The following CLMN variants were observed in gnomAD, a reference collection of about 807,000 sequenced individuals.
CLMN encodes the protein calmin.
A neutral mutation model predicts 92.7 loss-of-function variants in CLMN; 57 were observed. The ratio of observed to expected loss-of-function variants is 0.61; its 90% CI spans 0.50 to 0.77. CLMN has a LOEUF of 0.77. CLMN is among the 30% of genes least tolerant of loss of function. CLMN has a pLI of 0.00. For synonymous variants in CLMN, 466 were observed against 470.6 expected, an observed-to-expected ratio of 0.99 and a Z score of 0.13; for missense variants, 1,158 against 1,237.5, an observed-to-expected ratio of 0.94 and a Z score of 0.96.
rs143455201 is a variant in CLMN at position 95,243,150 on chromosome 14, A to G, written c.83-13017T>C. On this transcript the variant is annotated intron_variant, in intron 1 of 12. Coordinates refer to ENST00000298912, the MANE Select transcript of CLMN (RefSeq NM_024734.4). ...TTTGCCAAACCCTGCTGTAGACTCC[A>G]TAAGATTCACTGCCTGATTTAAGCA... Among the ~76,000 whole-genome samples the G allele has an allele frequency of 2.1e-3, 314 of 152,344 alleles. 2 individuals carry two copies. Among genetic ancestry groups the G allele is most frequent in the African/African-American group, 7.2e-3 (301 of 41,576 alleles).
At chr14:95,260,179 C>T (rs144981092) in intron 1 of CLMN, among the ~76,000 whole-genome samples, 83 of 152,300 alleles carry the variant, frequency 5.4e-4, no homozygotes, top group Middle Eastern at 3.4e-3. Flanking sequence ...CAGTGGCTCA[C>T]GCCTGTAATC....
chr14:95,274,496 A>G (rs909263293), intron 1 of CLMN, among the ~76,000 whole-genome samples: 10 of 152,102 alleles, frequency 6.6e-5, no homozygotes, highest in African/African-American at 2.4e-4. Context: ...CCCTCTGCCC[A>G]GCACAGCTGC....
intron 1 of CLMN, among the ~76,000 whole-genome samples, chr14:95,231,846 C>G (rs901066650): frequency 6.6e-6 from 1 of 152,176 alleles, no homozygotes; most frequent in Non-Finnish European, 1.5e-5. Context: ...AAAAAAAGTA[C>G]CAAGCACTTG....
rs1271310285 is a variant in CLMN, at chr14:95,202,894, G to T, written c.2455C>A (p.His819Asn). The T allele has an allele frequency of 1.9e-6, 3 of 1,577,884 alleles. No homozygotes were observed. The highest frequency in any genetic ancestry group is 2.6e-6 in the Non-Finnish European group (3 of 1,166,138). Residue 819 changes from histidine (H) to asparagine (N), a missense_variant, in exon 9 of 13, where the codon CAT (histidine) becomes AAT (asparagine). His to Asn is a moderately conservative substitution (Grantham distance 68). Transcript: ENST00000298912. The part of the protein sequence containing the change: ...PASEPAPLAP[H>N]EDHQQRETKE... Reference sequence around the variant, plus strand: ...GTCTCCCTTTGCTGGTGGTCCTCATGGGGGGCCAGTGGAGCGGGTTCTGAG... The same window carrying T: ...GTCTCCCTTTGCTGGTGGTCCTCATTGGGGGCCAGTGGAGCGGGTTCTGAG...
At position 95,196,903 on chromosome 14, in the gene CLMN, G is replaced by A. The variant is rs28680758; in HGVS notation, c.2512-209C>T. 9.8e-3 allele frequency among the ~76,000 whole-genome samples: 1,490 copies of A among 152,304 alleles called. 23 individuals are homozygous for A. Among genetic ancestry groups the A allele is most frequent in the African/African-American group, 0.034 (1,428 of 41,554 alleles). On this transcript the variant is annotated intron_variant, in intron 9 of 12. Transcript: ENST00000298912. The stretch of plus-strand genomic sequence containing the variant: ...CCGGCCCCTGGTACAGACTTCAAAT[G>A]CTACAAATTGATGGAGTTAAAACAA...
In CLMN at chr14:95,215,666, A is replaced by C; in HGVS notation, c.392T>G (p.Ile131Arg). ...DGNPSLVLGL[I>R]WNIILFFQIK... ...CTGGAAGAAGAGGATTATGTTCCAT[A>C]TCAGCCCAAGAACCAAAGAAGGGTT... Residue 131 changes from isoleucine (I) to arginine (R), a missense_variant, in exon 5 of 13, where the codon ATA (isoleucine) becomes AGA (arginine). Physicochemically the swap from Ile to Arg is moderately conservative, Grantham distance 97. Transcript: ENST00000298912. The C allele has an allele frequency of 6.2e-7, 1 of 1,614,168 alleles. No individual in the cohort carries two copies. Among genetic ancestry groups the C allele is most frequent in the Non-Finnish European group, 8.5e-7 (1 of 1,179,974 alleles).
At chr14:95,276,425 T>C (rs886170133) in intron 1 of CLMN, among the ~76,000 whole-genome samples, 1 of 152,138 alleles carries the variant, frequency 6.6e-6, no homozygotes, top group African/African-American at 2.4e-5. Context: ...CATAGGATCA[T>C]GGGATATGAG....
rs1262657426 is a variant in CLMN, at chr14:95,191,435, A to G, written c.*129T>C. 2 of 549,556 alleles carry G rather than the reference A, an allele frequency of 3.6e-6. No homozygotes were observed. Among genetic ancestry groups the G allele is most frequent in the Non-Finnish European group, 5.8e-6 (2 of 344,208 alleles). The allele number at this position is 549,556 out of a possible 1,614,324, so 34.0% of individuals were successfully genotyped here. On this transcript the variant is annotated 3_prime_UTR_variant, in exon 13 of 13. Coordinates refer to ENST00000298912, the MANE Select transcript of CLMN (RefSeq NM_024734.4). The surrounding 1 kb of genome is among the most constrained non-coding windows in gnomAD (Gnocchi z 5.3). Reference sequence around the variant, plus strand: ...AAAAAAAAAAAACCACAATAGCGAGAAAGGGGGTCTAAGTTTCCTCGGAGG... The same window carrying G: ...AAAAAAAAAAAACCACAATAGCGAGGAAGGGGGTCTAAGTTTCCTCGGAGG...
chr14:95,269,482 C>A (rs1055370648), intron 1 of CLMN, among the ~76,000 whole-genome samples: 1 of 152,194 alleles, frequency 6.6e-6, no homozygotes, highest in Non-Finnish European at 1.5e-5. Flanking sequence ...GGTCAGATGG[C>A]CAGACCCAAG....
intron 1 of CLMN, among the ~76,000 whole-genome samples, chr14:95,238,610 G>A (rs1221683271): frequency 6.6e-6 from 1 of 152,122 alleles, no homozygotes; most frequent in Admixed American, 6.5e-5. Context: ...GTCTTGTAGA[G>A]GCCCTCCCCC....
In CLMN at chr14:95,245,213, T is replaced by TATATATATAATATATATATATATA. The variant is rs1898456715; in HGVS notation, c.83-15081_83-15080insTATATATATATATATTATATATAT. Among the ~76,000 whole-genome samples, 58 of 31,746 alleles carry TATATATATAATATATATATATATA rather than the reference T, an allele frequency of 1.8e-3. 2 individuals carry two copies. The highest frequency in any genetic ancestry group is 2.9e-3 in the South Asian group (3 of 1,032). The allele number at this position is 31,746 out of a possible 152,430, so 20.8% of individuals were successfully genotyped here. On this transcript the variant is annotated intron_variant, in intron 1 of 12. Coordinates refer to ENST00000298912, the MANE Select transcript of CLMN (RefSeq NM_024734.4). The stretch of plus-strand genomic sequence containing the variant: ...ATATATAATATATATATATATTATA[T>TATATATATAATATATATATATATA]ATATATATATATTATATATATATAT...
intron 1 of CLMN, among the ~76,000 whole-genome samples, 153 bp from the exon 2 acceptor site, chr14:95,230,286 C>T (rs563544465): frequency 2.4e-4 from 36 of 152,320 alleles, no homozygotes; most frequent in African/African-American, 5.5e-4. Flanking sequence ...GGGTTGGCAA[C>T]GCCTTACCTG....
chr14:95,228,349 T>C (rs1299189841), intron 2 of CLMN, among the ~76,000 whole-genome samples: 5 of 152,170 alleles, frequency 3.3e-5, no homozygotes, highest in African/African-American at 1.2e-4. Context: ...GCCGAAAATG[T>C]GCCAATAATC....
intron 6 of CLMN, among the ~76,000 whole-genome samples, chr14:95,211,729 C>T (rs2140593866): frequency 6.6e-6 from 1 of 151,862 alleles, no homozygotes; most frequent in South Asian, 2.1e-4. Flanking sequence ...AGTTGAAACA[C>T]AGTACAGAGA....
rs1897132666 is a variant in CLMN at position 95,209,394 on chromosome 14, C to T, written c.885+1G>A. On this transcript the variant is annotated splice_donor_variant, in intron 8 of 12. Transcript: ENST00000298912. LOFTEE classifies it high-confidence loss of function. ...ATTAAAGGTAAGAAAAGCAAACATA[C>T]GGCTTCCAACTCCGGAAAACGTTCT... 1.9e-6 allele frequency: 3 copies of T among 1,613,514 alleles called. No homozygotes were observed. Among genetic ancestry groups the T allele is most frequent in the Non-Finnish European group, 1.7e-6 (2 of 1,179,528 alleles).
chr14:95,282,863 G>A (rs1900191353), intron 1 of CLMN, among the ~76,000 whole-genome samples: 1 of 152,260 alleles, frequency 6.6e-6, no homozygotes, highest in Non-Finnish European at 1.5e-5. Flanking sequence ...GAGCAGAACT[G>A]GAGCCTGTCA....
intron 1 of CLMN, among the ~76,000 whole-genome samples, chr14:95,230,659 G>C (rs1444715684): frequency 6.6e-6 from 1 of 152,196 alleles, no homozygotes; most frequent in Non-Finnish European, 1.5e-5. Flanking sequence ...AGCTTTGTGT[G>C]CCCGGGCCAG....
chr14:95,223,015 G>C (rs1337973266), intron 3 of CLMN, among the ~76,000 whole-genome samples: 1 of 152,186 alleles, frequency 6.6e-6, no homozygotes, highest in Non-Finnish European at 1.5e-5. Context: ...GTGGACTCTG[G>C]AACAGGCTTT....
At chr14:95,281,566 T>A (rs1470127634) in intron 1 of CLMN, among the ~76,000 whole-genome samples, 1 of 152,232 alleles carries the variant, frequency 6.6e-6, no homozygotes, top group Non-Finnish European at 1.5e-5. Flanking sequence ...GATCACTGGC[T>A]ACTGCTCAGG....
Sources: allele counts gnomAD v4.1 joint callset (sites outside exome capture counted in the v4.1 genomes callset), GRCh38; gene constraint gnomAD v4.1.1; non-coding constraint Gnocchi (gnomAD v3.1); transcripts MANE v1.5; gene names NCBI Gene and HGNC (gene_info 2026-07-23, HGNC 2026-07-21).